DST: variants seen among roughly 807,000 people sequenced by gnomAD.
The protein encoded by DST is dystonin.
DST carries 253 observed loss-of-function variants against 875.2 expected under a neutral mutation model. That is an observed-to-expected ratio of 0.29 (90% CI 0.26 to 0.32). DST has a LOEUF of 0.32. DST is among the 10% of genes least tolerant of loss of function. The probability of loss-of-function intolerance (pLI) is 1.00; values close to 1 mark genes in which losing one functional copy is unlikely to be tolerated. For missense variants in DST, 8,287 were observed against 9,111.6 expected (o/e 0.91, Z 3.68); for synonymous variants, 3,124 against 3,197.1 (o/e 0.98, Z 0.77).
Position 56,701,975 on chromosome 6 carries a change from GA to G in DST, c.877-11del, listed in dbSNP as rs747410862. Reference sequence around the variant, plus strand: ...GACCTTTTTCTCTGGGCTAAGAACAGAAAAATGCAGGTATGAAAAAGAGTTT... The same window carrying G: ...GACCTTTTTCTCTGGGCTAAGAACAGAAAATGCAGGTATGAAAAAGAGTTT... On this transcript the variant is annotated splice_polypyrimidine_tract_variant and intron_variant, in intron 7 of 103. Coordinates refer to ENST00000680361, the MANE Select transcript of DST (RefSeq NM_001374736.1). The G allele has an allele frequency of 2.5e-6, 4 of 1,570,196 alleles. No homozygotes were observed. The highest frequency in any genetic ancestry group is 3.5e-6 in the Non-Finnish European group (4 of 1,143,362).
chr6:56,706,205 T>C (rs547258640), intron 5 of DST, among the ~76,000 whole-genome samples: 1 of 151,758 alleles, frequency 6.6e-6, no homozygotes, highest in African/African-American at 2.4e-5. Flanking sequence ...TCCCAGCTAC[T>C]TGGGAGGCTG....
intron 4 of DST, among the ~76,000 whole-genome samples, chr6:56,820,520 C>T (rs150163941): frequency 8.5e-5 from 13 of 152,126 alleles, no homozygotes; most frequent in Non-Finnish European, 1.0e-4. Context: ...TATCTTTACA[C>T]GAGTTTGTTT....
chr6:56,604,396 A>T lies in DST; in HGVS notation c.10232T>A (p.Met3411Lys). ...GGGGGAAACTCCAGAAGAGTCACTC[A>T]TTTGAGAGTCGCTGGGCACAGTAGA... is the stretch of plus-strand genomic sequence containing the variant. ...EASTVPSDSQMSDSSGVSPMT... is the reference protein window; with the variant it reads ...EASTVPSDSQKSDSSGVSPMT... Residue 3411 changes from methionine to lysine, a missense_variant, in exon 40 of 104, where the codon ATG becomes AAG. Coordinates refer to ENST00000680361, the MANE Select transcript of DST (RefSeq NM_001374736.1). 1.9e-6 allele frequency: 3 copies of T among 1,611,528 alleles called. No individual in the cohort carries two copies. Among genetic ancestry groups the T allele is most frequent in the Non-Finnish European group, 2.5e-6 (3 of 1,178,578 alleles).
At position 56,494,073 on chromosome 6, in the gene DST, G is replaced by C. The variant is rs1469493899; in HGVS notation, c.20331C>G (p.Asp6777Glu). ...TTTCTTTCAAGTTATTTATGTCTTG[G>C]TCAATATTTGTCTCTGCAGATTTTG... ...RCPKSAETNI[D>E]QDINNLKEKW... is the part of the protein sequence containing the mutation. Residue 6777 changes from aspartate (D) to glutamate (E), a missense_variant, in exon 83 of 104, where the codon GAC becomes GAG. Asp to Glu is a conservative substitution (Grantham distance 45). This residue lies in a region of DST where 1,292 missense variants were observed against 1,552.7 expected (regional missense o/e 0.83). Coordinates refer to ENST00000680361, the MANE Select transcript of DST (RefSeq NM_001374736.1). The C allele has an allele frequency of 6.2e-7, 1 of 1,609,016 alleles. No homozygotes were observed. Among genetic ancestry groups the C allele is most frequent in the South Asian group, 1.1e-5 (1 of 90,220 alleles).
At chr6:56,699,280 T>C (rs1260001701) in intron 9 of DST, among the ~76,000 whole-genome samples, 7 of 152,200 alleles carry the variant, frequency 4.6e-5, no homozygotes, top group Non-Finnish European at 1.0e-4. Context: ...TAGTTGACAG[T>C]GCTAAGAACC....
Position 56,463,637 on chromosome 6 carries a change from G to T in DST, c.22887C>A (p.Asn7629Lys). Residue 7629 changes from asparagine to lysine, a missense_variant, in exon 101 of 104, where the codon AAC (asparagine) becomes AAA (lysine). Asn to Lys is a moderately conservative substitution (Grantham distance 94). Around this residue, in one of 10 missense-constraint regions of DST, gnomAD observed 240 missense variants for 237.3 expected, o/e 1.01. Transcript: ENST00000680361. ...CCTGACTGGACACAGAAGTGGATCT[G>T]TTGGGTGAAGCGCCTCGTGATGATG... ...SRPSSRGASP[N>K]RSTSVSSQAA... 6.2e-7 allele frequency: 1 copy of T among 1,613,902 alleles called. No individual in the cohort carries two copies. The highest frequency in any genetic ancestry group is 8.5e-7 in the Non-Finnish European group (1 of 1,179,826).
chr6:56,926,952 C>T (rs1807510077), intron 2 of DST, among the ~76,000 whole-genome samples: 1 of 152,160 alleles, frequency 6.6e-6, no homozygotes, highest in Non-Finnish European at 1.5e-5. Flanking sequence ...TATGCAGAGT[C>T]ATACCTCCAA....
rs1195616982 is a variant in DST at position 56,606,222 on chromosome 6, A to T, written c.8406T>A (p.Asn2802Lys). The T allele has an allele frequency of 6.4e-7, 1 of 1,568,236 alleles. No individual in the cohort carries two copies. Among genetic ancestry groups the T allele is most frequent in the Non-Finnish European group, 8.7e-7 (1 of 1,154,788 alleles). ...CATCATCATCATCGTCATCCTGATC[A>T]TTACTGTCATATATATAATCCCCAT... ...ESYGDYIYDS[N>K]DQDDDDDDGI... The change falls in exon 40 of 104, where the codon AAT becomes AAA. Residue 2802 changes from asparagine to lysine, a missense_variant. This residue lies in a region of DST where 3,138 missense variants were observed against 3,116.6 expected (regional missense o/e 1.01). Transcript: ENST00000680361.
intron 63 of DST, among the ~76,000 whole-genome samples, chr6:56,533,380 A>G (rs1050575857): frequency 2.0e-5 from 3 of 152,216 alleles, no homozygotes; most frequent in Non-Finnish European, 4.4e-5. Flanking sequence ...CTGCTTCCTT[A>G]ATGATCCTGA....
At chr6:56,907,293 C>A (rs1346622197) in intron 2 of DST, among the ~76,000 whole-genome samples, 1 of 152,156 alleles carries the variant, frequency 6.6e-6, no homozygotes, top group Non-Finnish European at 1.5e-5. Context: ...TACCTACAAA[C>A]AAAAATCTGT....
Position 56,639,679 on chromosome 6 carries a change from T to TAA in DST, c.2697+15_2697+16dup. The stretch of plus-strand genomic sequence containing the variant: ...ATATAGATAAGGGAAACAGAAGGTT[T>TAA]AAAAAAAAAAACTTACCAAGAGTTT... On this transcript the variant is annotated intron_variant, in intron 20 of 103. Transcript: ENST00000680361. The TAA allele has an allele frequency of 1.1e-5, 14 of 1,295,526 alleles. No individual in the cohort carries two copies. Among genetic ancestry groups the TAA allele is most frequent in the African/African-American group, 1.5e-5 (1 of 66,676 alleles). 80.3% of individuals were successfully genotyped at this position (1,295,526 alleles called of 1,614,324 possible). A position where few individuals can be genotyped will look rare whatever the true frequency, so the allele number is the denominator to read the frequency against.
chr6:56,818,312 A>AG lies in DST; in HGVS notation c.625+33084dup, dbSNP rs2099769068. Among the ~76,000 whole-genome samples, 3 of 152,158 alleles carry AG rather than the reference A, an allele frequency of 2.0e-5. No homozygotes were observed. The South Asian group carries it at 6.2e-4, about 32-fold the overall frequency. On this transcript the variant is annotated intron_variant, in intron 4 of 103. Transcript: ENST00000680361. ...TATCATGAAGGGAAGGAGGGAAAGCAGGGGGGGAACTAAGGTTCAGAAGGA... is the reference window on the plus strand; with the variant it reads ...TATCATGAAGGGAAGGAGGGAAAGCAGGGGGGGGAACTAAGGTTCAGAAGGA...
chr6:56,576,154 T>C (rs923445911), intron 50 of DST, among the ~76,000 whole-genome samples: 1 of 152,200 alleles, frequency 6.6e-6, no homozygotes, highest in Non-Finnish European at 1.5e-5. Context: ...TCTGAATAGC[T>C]GAACACATGG....
intron 73 of DST, among the ~76,000 whole-genome samples, chr6:56,510,548 G>A (rs1379555875): frequency 1.3e-5 from 2 of 152,054 alleles, no homozygotes. Flanking sequence ...TATTTGTAAA[G>A]GTTCCATAGA....
At chr6:56,935,329 T>C (rs544887390) in intron 2 of DST, among the ~76,000 whole-genome samples, 9 of 152,382 alleles carry the variant, frequency 5.9e-5, no homozygotes, top group Admixed American at 1.3e-4. Context: ...AGTCACACTC[T>C]AGATCAGTCT....
rs1389816463 is a variant in DST at position 56,954,564 on chromosome 6, G to T, written c.24C>A (p.Val8=). 7.3e-7 allele frequency: 1 copy of T among 1,362,108 alleles called. No homozygotes were observed. Among genetic ancestry groups the T allele is most frequent in the East Asian group, 4.7e-5 (1 of 21,238 alleles). The allele number at this position is 1,362,108 out of a possible 1,614,324, so 84.4% of individuals were successfully genotyped here. The stretch of plus-strand genomic sequence containing the variant: ...ATTGGATGCTGTAGGGTCTCAGCAA[G>T]ACGAGGAAAGCCGCGGCGATCATGG... MIAAAFL[V]LLRPYSIQCA... Residue 8 remains valine, a synonymous_variant, in exon 1 of 104, where the codon GTC becomes GTA. Coordinates refer to ENST00000680361, the MANE Select transcript of DST (RefSeq NM_001374736.1).
intron 83 of DST, 89 bp downstream of exon 83, chr6:56,493,921 C>T (rs2095833076): frequency 1.9e-6 from 2 of 1,038,888 alleles, no homozygotes; most frequent in East Asian, 2.7e-5. Context: ...GAAAGTTCTA[C>T]TCCTGATAGC....
At chr6:56,492,610 G>A (rs183030769) in intron 84 of DST, among the ~76,000 whole-genome samples, 177 bp from the exon 85 acceptor site, 17 of 152,212 alleles carry the variant, frequency 1.1e-4, no homozygotes, top group Non-Finnish European at 2.1e-4. Flanking sequence ...AGTGGCTCAC[G>A]CCTGTGATCA....
rs750722953 is a variant in DST at position 56,552,478 on chromosome 6, G to C, written c.16314C>G (p.Ser5438Arg). ...TGCAGGTTTTATTGGCATTGTCATTGCTTGCCATGAGGGCTTCTAGTTTCT... is the reference window on the plus strand; with the variant it reads ...TGCAGGTTTTATTGGCATTGTCATTCCTTGCCATGAGGGCTTCTAGTTTCT... ...FLKKLEALMA[S>R]NDNANKTCKM... Residue 5438 changes from serine to arginine, a missense_variant, in exon 61 of 104, where the codon AGC becomes AGG. Ser to Arg is a moderately radical substitution (Grantham distance 110). Coordinates refer to ENST00000680361, the MANE Select transcript of DST (RefSeq NM_001374736.1). 1.2e-5 allele frequency: 19 copies of C among 1,613,810 alleles called. No homozygotes were observed. Among genetic ancestry groups the C allele is most frequent in the Non-Finnish European group, 1.6e-5 (19 of 1,179,894 alleles).
Sources: allele counts gnomAD v4.1 joint callset (sites outside exome capture counted in the v4.1 genomes callset), GRCh38; gene constraint gnomAD v4.1.1; regional missense constraint gnomAD v4.1.1; transcripts MANE v1.5; gene names NCBI Gene and HGNC (gene_info 2026-07-23, HGNC 2026-07-21).